Variants in GABRG3 observed in about 807,000 individuals in gnomAD.
GABRG3 encodes the protein gamma-aminobutyric acid receptor subunit gamma-3.
In GABRG3, 25 loss-of-function variants were observed where a neutral mutation model predicts 48.8. The ratio of observed to expected loss-of-function variants is 0.51; its 90% CI spans 0.37 to 0.72. The LOEUF (loss-of-function observed/expected upper bound fraction) is 0.72. Among genes scored for constraint, GABRG3 ranks in the 30% least tolerant of loss-of-function variants. GABRG3 has a pLI of 0.00. For missense variants in GABRG3, 394 were observed against 577.9 expected (o/e 0.68, Z 3.26); for synonymous variants, 227 against 217.6 (o/e 1.04, Z -0.38).
intron 2 of GABRG3, among the ~76,000 whole-genome samples, chr15:26,979,802 C>G (rs76112647): frequency 0.049 from 7,445 of 152,122 alleles, 585 homozygotes; most frequent in African/African-American, 0.17. Flanking sequence ...AGGATTTTTG[C>G]ATGTCTATGT....
At chr15:27,504,463 T>TATGTATG (rs1890716795) in intron 6 of GABRG3, among the ~76,000 whole-genome samples, 1 of 152,204 alleles carries the variant, frequency 6.6e-6, no homozygotes, top group Non-Finnish European at 1.5e-5. Context: ...TTTGCCACTT[T>TATGTATG]ATGTATGATG....
At chr15:27,483,693 G>A (rs1890151963) in intron 6 of GABRG3, among the ~76,000 whole-genome samples, 1 of 152,190 alleles carries the variant, frequency 6.6e-6, no homozygotes, top group Non-Finnish European at 1.5e-5. Context: ...GGAAGGCATT[G>A]GGCTAGGCTA....
At chr15:27,224,322 G>A (rs774518716) in intron 3 of GABRG3, among the ~76,000 whole-genome samples, 21 of 152,186 alleles carry the variant, frequency 1.4e-4, no homozygotes, top group Non-Finnish European at 2.4e-4. Context: ...GTGCAGAACC[G>A]TTTTCTTAGA....
chr15:27,194,145 A>G (rs1888422091), intron 3 of GABRG3, among the ~76,000 whole-genome samples: 1 of 152,256 alleles, frequency 6.6e-6, no homozygotes, highest in Non-Finnish European at 1.5e-5. Flanking sequence ...TCAATGTTTT[A>G]CCACATTAAG....
At chr15:27,449,528 T>C (rs1011325139) in intron 5 of GABRG3, among the ~76,000 whole-genome samples, 3 of 152,228 alleles carry the variant, frequency 2.0e-5, no homozygotes, top group Non-Finnish European at 2.9e-5. Flanking sequence ...TTTGTGATGG[T>C]AGTTAAGCCA....
chr15:27,086,880 G>A (rs1419815498), intron 3 of GABRG3, among the ~76,000 whole-genome samples: 1 of 152,206 alleles, frequency 6.6e-6, no homozygotes, highest in African/African-American at 2.4e-5. Context: ...GTCCTTGTGG[G>A]CCACTGTGTC....
At chr15:27,192,161 T>C (rs1888334489) in intron 3 of GABRG3, among the ~76,000 whole-genome samples, 1 of 152,200 alleles carries the variant, frequency 6.6e-6, no homozygotes, top group African/African-American at 2.4e-5. Flanking sequence ...CTTAACATTT[T>C]TTCCTTCATT....
intron 3 of GABRG3, among the ~76,000 whole-genome samples, chr15:27,308,871 TA>T (rs548399513): frequency 3.9e-4 from 58 of 150,392 alleles, no homozygotes; most frequent in African/African-American, 1.4e-3. Context: ...TATGTTTTTA[TA>T]AAAACAGAAT....
intron 3 of GABRG3, among the ~76,000 whole-genome samples, chr15:27,151,412 A>T (rs920866926): frequency 6.6e-6 from 1 of 151,880 alleles, no homozygotes; most frequent in Non-Finnish European, 1.5e-5. Context: ...GTTATTGTGA[A>T]TATCAATAGA....
chr15:27,031,739 G>A (rs1001786393), intron 3 of GABRG3, among the ~76,000 whole-genome samples: 1 of 152,176 alleles, frequency 6.6e-6, no homozygotes, highest in African/African-American at 2.4e-5. Flanking sequence ...AGTGAAGTCA[G>A]GATACCAAGT....
intron 3 of GABRG3, among the ~76,000 whole-genome samples, chr15:27,218,128 G>A (rs1382849322): frequency 1.3e-5 from 2 of 151,880 alleles, no homozygotes; most frequent in African/African-American, 4.8e-5. Context: ...TCCCACCTCC[G>A]CCTCCCAAGC....
At chr15:27,057,074 G>T (rs189406698) in intron 3 of GABRG3, among the ~76,000 whole-genome samples, 1 of 152,286 alleles carries the variant, frequency 6.6e-6, no homozygotes, top group African/African-American at 2.4e-5. Context: ...TCCAGGTGGA[G>T]AAATAAACCT....
chr15:27,482,628 T>C (rs1890127718), intron 6 of GABRG3, among the ~76,000 whole-genome samples: 1 of 135,098 alleles, frequency 7.4e-6, no homozygotes, highest in Admixed American at 7.4e-5. Context: ...ACACACTTAC[T>C]TACATAATCC....
intron 3 of GABRG3, among the ~76,000 whole-genome samples, chr15:27,271,915 A>G (rs909158010): frequency 6.6e-6 from 1 of 152,212 alleles, no homozygotes; most frequent in Non-Finnish European, 1.5e-5. Flanking sequence ...GAGCTTGTGC[A>G]TTCTGGGGCC....
chr15:27,036,339 C>T (rs1485620517), intron 3 of GABRG3, among the ~76,000 whole-genome samples: 18 of 152,122 alleles, frequency 1.2e-4, no homozygotes, highest in Non-Finnish European at 1.6e-4. Context: ...GCGTTTTGTT[C>T]TGGGCTCTGG....
chr15:27,346,051 C>A (rs1309624932), intron 5 of GABRG3, among the ~76,000 whole-genome samples: 1 of 678 alleles, frequency 1.5e-3, no homozygotes, highest in Admixed American at 0.015. Context: ...GAGACTCCCT[C>A]TCNAAAANNA....
chr15:27,425,310 G>C (rs1888256811), intron 5 of GABRG3, among the ~76,000 whole-genome samples: 1 of 152,072 alleles, frequency 6.6e-6, no homozygotes, highest in Admixed American at 6.6e-5. Flanking sequence ...ACCTGGGGAT[G>C]GTTTTGGGGA....
chr15:27,421,508 C>T lies in GABRG3; in HGVS notation c.575-59142C>T, dbSNP rs1841568641. On this transcript the variant is annotated intron_variant, in intron 5 of 9. Coordinates refer to ENST00000615808, the MANE Select transcript of GABRG3 (RefSeq NM_033223.5). Reference sequence around the variant, plus strand: ...CCATGGGAGTGGGCTATAAATCCACCAATACTGAGTGTTCTAAGATATCCA... The same window carrying T: ...CCATGGGAGTGGGCTATAAATCCACTAATACTGAGTGTTCTAAGATATCCA... 2.6e-5 allele frequency among the ~76,000 whole-genome samples: 4 copies of T among 152,044 alleles called. No individual in the cohort carries two copies. The South Asian group carries it at 8.3e-4, about 32-fold the overall frequency.
chr15:27,190,577 C>T (rs1027748334), intron 3 of GABRG3, among the ~76,000 whole-genome samples: 9 of 152,048 alleles, frequency 5.9e-5, no homozygotes, highest in Non-Finnish European at 1.0e-4. Context: ...GTGATATCCC[C>T]TTTATCATTT....
Sources: gnomAD v4.1 joint callset for allele counts (sites outside exome capture counted in the v4.1 genomes callset) on GRCh38, gnomAD v4.1.1 for gene constraint, MANE v1.5 for transcripts, NCBI Gene and HGNC (gene_info 2026-07-23, HGNC 2026-07-21) for gene names.